The following SDK1 variants were observed in gnomAD, a reference collection of about 807,000 sequenced individuals.
The protein encoded by SDK1 is protein sidekick-1.
Under a neutral mutation model 245.5 loss-of-function variants are expected in SDK1, and 157 were observed. The ratio of observed to expected loss-of-function variants is 0.64; its 90% CI spans 0.56 to 0.73. The LOEUF is 0.73. SDK1 is among the 30% of genes least tolerant of loss of function. The probability of loss-of-function intolerance (pLI) is 0.00; values close to 1 mark genes in which losing one functional copy is unlikely to be tolerated. For missense variants in SDK1, 3,583 were observed against 3,002.3 expected, an observed-to-expected ratio of 1.19 and a Z score of -4.52; for synonymous variants, 1,647 against 1,278.5, an observed-to-expected ratio of 1.29 and a Z score of -6.15.
intron 4 of SDK1, among the ~76,000 whole-genome samples, chr7:3,662,408 C>G (rs1222227295): frequency 1.3e-5 from 2 of 152,154 alleles, no homozygotes; most frequent in East Asian, 1.9e-4. Context: ...AGTCCCCTGT[C>G]CTTGCCTGAT....
chr7:3,867,269 G>A (rs1034962340), intron 5 of SDK1, among the ~76,000 whole-genome samples: 1 of 152,150 alleles, frequency 6.6e-6, no homozygotes, highest in African/African-American at 2.4e-5. Flanking sequence ...GAGAGAGAAA[G>A]AGTGGACTCT....
intron 1 of SDK1, among the ~76,000 whole-genome samples, chr7:3,327,336 AG>A (rs1779962897): frequency 6.6e-6 from 1 of 152,124 alleles, no homozygotes; most frequent in Non-Finnish European, 1.5e-5. Flanking sequence ...AGGGATAACA[AG>A]GAAGAAGCTG....
rs773714844 is a variant in SDK1, at chr7:3,420,266, G to T, written c.298+118382G>T. Among the ~76,000 whole-genome samples the T allele has an allele frequency of 2.6e-5, 4 of 152,334 alleles. No homozygotes were observed. In the South Asian group the frequency reaches 8.3e-4, roughly 32 times the overall value. ...TATTTTTGGCTTGGTGAATTTGAAA[G>T]TGTTGTTTAACAGAAAAGATTTTAA... On this transcript the variant is annotated intron_variant, in intron 1 of 44. Coordinates refer to ENST00000404826, the MANE Select transcript of SDK1 (RefSeq NM_152744.4).
intron 5 of SDK1, among the ~76,000 whole-genome samples, chr7:3,830,809 C>T (rs1779895372): frequency 6.6e-6 from 1 of 152,032 alleles, no homozygotes; most frequent in Non-Finnish European, 1.5e-5. Context: ...ACAATTTTTA[C>T]CTTTGATTTT....
At chr7:3,418,339 A>G (rs1779437858) in intron 1 of SDK1, among the ~76,000 whole-genome samples, 2 of 152,162 alleles carry the variant, frequency 1.3e-5, no homozygotes, top group East Asian at 1.9e-4. Flanking sequence ...CTCCCAAGGC[A>G]TTATACTATG....
chr7:3,682,135 C>T (rs188200480), intron 4 of SDK1, among the ~76,000 whole-genome samples: 3 of 152,276 alleles, frequency 2.0e-5, no homozygotes, highest in East Asian at 1.9e-4. Context: ...AATTACACAT[C>T]AGCATTTACA....
intron 5 of SDK1, among the ~76,000 whole-genome samples, chr7:3,885,015 A>G (rs1279075130): frequency 2.0e-5 from 3 of 152,074 alleles, no homozygotes; most frequent in African/African-American, 7.2e-5. Flanking sequence ...TTGACCTCCT[A>G]GTGTGTCTCC....
At chr7:3,742,077 G>C (rs142431331) in intron 4 of SDK1, among the ~76,000 whole-genome samples, 27 of 149,374 alleles carry the variant, frequency 1.8e-4, no homozygotes, top group African/African-American at 6.2e-4. Context: ...CACAAATTTG[G>C]GGGGGGAGCA....
At position 4,268,106 on chromosome 7, in the gene SDK1, C is replaced by T. The variant is rs539192381; in HGVS notation, c.*2722C>T. On this transcript the variant is annotated 3_prime_UTR_variant, in exon 45 of 45. Coordinates refer to ENST00000404826, the MANE Select transcript of SDK1 (RefSeq NM_152744.4). Reference sequence around the variant, plus strand: ...AGCCAGGCTAGATGGAATGTGCTCCCGCTCTCTCCTGCCGTGCTGAAAGTC... The same window carrying T: ...AGCCAGGCTAGATGGAATGTGCTCCTGCTCTCTCCTGCCGTGCTGAAAGTC... The T allele has an allele frequency of 1.8e-4, 177 of 985,602 alleles. 1 individual carries two copies. The highest frequency in any genetic ancestry group is 2.0e-4 in the Non-Finnish European group (167 of 830,050). The allele number at this position is 985,602 out of a possible 1,614,324, so 61.1% of individuals were successfully genotyped here. A position where few individuals can be genotyped will look rare whatever the true frequency, so the allele number is the denominator to read the frequency against.
chr7:3,616,217 T>C (rs1781767129), intron 1 of SDK1, among the ~76,000 whole-genome samples: 1 of 152,156 alleles, frequency 6.6e-6, no homozygotes, highest in South Asian at 2.1e-4. Flanking sequence ...ATCATCATCA[T>C]CATCATCATT....
chr7:3,686,440 G>C (rs1440328638), intron 4 of SDK1, among the ~76,000 whole-genome samples: 1 of 152,132 alleles, frequency 6.6e-6, no homozygotes, highest in African/African-American at 2.4e-5. Context: ...GAGCATATTT[G>C]TATTAGGTGT....
Position 4,074,884 on chromosome 7 carries a change from C to G in SDK1, c.3011-2114C>G, listed in dbSNP as rs866170275. On this transcript the variant is annotated intron_variant, in intron 20 of 44. Transcript: ENST00000404826. The stretch of plus-strand genomic sequence containing the variant: ...TCTCTCTCTCTCTCTCTCTCTCTCT[C>G]TGTATATATATATATATATATATAT... 6.3e-3 allele frequency among the ~76,000 whole-genome samples: 391 copies of G among 62,406 alleles called. 15 individuals are homozygous for G. The highest frequency in any genetic ancestry group is 0.042 in the African/African-American group (341 of 8,162). 40.9% of individuals were successfully genotyped at this position (62,406 alleles called of 152,430 possible).
At chr7:3,426,839 C>G (rs923908060) in intron 1 of SDK1, among the ~76,000 whole-genome samples, 7 of 152,176 alleles carry the variant, frequency 4.6e-5, no homozygotes, top group African/African-American at 1.7e-4. Context: ...GCAGATCTTG[C>G]CCTGCCACTC....
chr7:3,391,966 A>AATATATATATATAT (rs55768106), intron 1 of SDK1, among the ~76,000 whole-genome samples: 1,871 of 143,840 alleles, frequency 0.013, 65 homozygotes, highest in African/African-American at 0.047. Flanking sequence ...TATATCATGT[A>AATATATATATATAT]ATATATATAT....
Position 4,265,086 on chromosome 7 carries a change from C to G in SDK1, c.6382-38C>G, listed in dbSNP as rs750073997. 3.8e-6 allele frequency: 6 copies of G among 1,594,742 alleles called. No individual in the cohort carries two copies. The Admixed American group carries it at 1.0e-4, about 27-fold the overall frequency. On this transcript the variant is annotated intron_variant, in intron 44 of 44. Coordinates refer to ENST00000404826, the MANE Select transcript of SDK1 (RefSeq NM_152744.4). Reference sequence around the variant, plus strand: ...CCCAGCACGCTCCGGGCCCTGCGCCCTGCCCTGCACTCACACCTTCTCTCC... The same window carrying G: ...CCCAGCACGCTCCGGGCCCTGCGCCGTGCCCTGCACTCACACCTTCTCTCC...
intron 1 of SDK1, among the ~76,000 whole-genome samples, chr7:3,525,525 C>G (rs142059490): frequency 3.1e-3 from 470 of 152,228 alleles, no homozygotes; most frequent in Non-Finnish European, 5.2e-3. Flanking sequence ...CCAGCACCAC[C>G]AACCTGGAAA....
chr7:3,476,539 G>T (rs1781352767), intron 1 of SDK1, among the ~76,000 whole-genome samples: 1 of 151,860 alleles, frequency 6.6e-6, no homozygotes, highest in Admixed American at 6.6e-5. Flanking sequence ...AAAAGTTTGG[G>T]GTCATATAGG....
At chr7:3,342,977 G>T (rs374008271) in intron 1 of SDK1, among the ~76,000 whole-genome samples, 1 of 147,734 alleles carries the variant, frequency 6.8e-6, no homozygotes, top group Admixed American at 6.9e-5. Context: ...TAAAGCCATA[G>T]GGAGAAAACT....
rs1007116371 is a variant in SDK1, at chr7:4,118,889, C to T, written c.3823+4615C>T. Among the ~76,000 whole-genome samples the T allele has an allele frequency of 1.9e-4, 28 of 148,480 alleles. 4 individuals are homozygous for T. The highest frequency in any genetic ancestry group is 1.3e-3 in the Admixed American group (19 of 14,958). On this transcript the variant is annotated intron_variant, in intron 25 of 44. Coordinates refer to ENST00000404826, the MANE Select transcript of SDK1 (RefSeq NM_152744.4). ...TCTAGAATAGGCAAATCTAGAGAGGCAGAAAGTAAATTCATGGTTTCCTAG... is the reference window on the plus strand; with the variant it reads ...TCTAGAATAGGCAAATCTAGAGAGGTAGAAAGTAAATTCATGGTTTCCTAG...
Sources: allele counts gnomAD v4.1 joint callset (sites outside exome capture counted in the v4.1 genomes callset), GRCh38; gene constraint gnomAD v4.1.1; transcripts MANE v1.5; gene names NCBI Gene and HGNC (gene_info 2026-07-23, HGNC 2026-07-21).